Variants in TRIML1 observed in about 807,000 individuals in gnomAD.
The protein encoded by TRIML1 is probable E3 ubiquitin-protein ligase TRIML1.
In TRIML1, 34 loss-of-function variants were observed where a neutral mutation model predicts 32.3. The ratio of observed to expected loss-of-function variants is 1.05; its 90% confidence interval spans 0.80 to 1.40. The LOEUF is 1.40. TRIML1 is among the 40% of genes most tolerant of loss of function. TRIML1 has a pLI of 0.00. For missense variants in TRIML1, 595 were observed against 574.9 expected, an observed-to-expected ratio of 1.03 and a Z score of -0.36; for synonymous variants, 244 against 226.6, an observed-to-expected ratio of 1.08 and a Z score of -0.69.
rs1735144213 is a variant in TRIML1, at chr4:188,147,720, A to G, written c.*348A>G. 1 of 185,212 alleles carries G rather than the reference A, an allele frequency of 5.4e-6. No homozygotes were observed. Among genetic ancestry groups the G allele is most frequent in the Admixed American group, 6.2e-5 (1 of 16,216 alleles). The allele number at this position is 185,212 out of a possible 1,614,324, so 11.5% of individuals were successfully genotyped here. Reference sequence around the variant, plus strand: ...AAATATATGTCACTTTTTCAAGTGTATTTAATTATTTGACTCTTAAAAACT... The same window carrying G: ...AAATATATGTCACTTTTTCAAGTGTGTTTAATTATTTGACTCTTAAAAACT... On this transcript the variant is annotated 3_prime_UTR_variant, in exon 6 of 6. Transcript: ENST00000332517.
At chr4:188,142,861 A>T in intron 3 of TRIML1, 1 of 177,702 alleles carries the variant, frequency 5.6e-6, no homozygotes, top group Non-Finnish European at 1.2e-5. Context: ...TATGATATGA[A>T]CTCTAGGTCT....
chr4:188,143,973 C>T, intron 4 of TRIML1, 63 bp from the exon 5 acceptor site: 4 of 1,604,414 alleles, frequency 2.5e-6, no homozygotes, highest in Non-Finnish European at 3.4e-6. Flanking sequence ...ATGAGGTGGA[C>T]TCTCCAGCTG....
intron 2 of TRIML1, 33 bp from the exon 3 acceptor site, chr4:188,142,207 CGTGTGTGTGTGT>C (rs61461219): frequency 1.0e-3 from 1,031 of 1,013,814 alleles, no homozygotes; most frequent in Admixed American, 6.8e-3. Context: ...AACTTTATCT[CGTGTGTGTGTGT>C]GTGTGTGTGT....
chr4:188,148,421 G>A (rs371980660), downstream of TRIML1, among the ~76,000 whole-genome samples: 1 of 151,968 alleles, frequency 6.6e-6, no homozygotes, highest in East Asian at 2.0e-4. Flanking sequence ...TTGAACCCGG[G>A]CGGCGGAGGT....
chr4:188,144,266 G>T lies in TRIML1; in HGVS notation c.856+133G>T. The T allele has an allele frequency of 1.5e-5, 11 of 732,746 alleles. No individual in the cohort carries two copies. The South Asian group carries it at 1.9e-4, about 13-fold the overall frequency. 45.4% of individuals were successfully genotyped at this position (732,746 alleles called of 1,614,324 possible). A position where few individuals can be genotyped will look rare whatever the true frequency, so the allele number is the denominator to read the frequency against. Reference sequence around the variant, plus strand: ...AATCCGGGCCAGCACGGAACACCAGGGAGGGCTGGGGCCACAGACCGTCTC... The same window carrying T: ...AATCCGGGCCAGCACGGAACACCAGTGAGGGCTGGGGCCACAGACCGTCTC... On this transcript the variant is annotated intron_variant, in intron 5 of 5. Coordinates refer to ENST00000332517, the MANE Select transcript of TRIML1 (RefSeq NM_178556.5).
chr4:188,141,452 C>A (rs1314864809), intron 2 of TRIML1, among the ~76,000 whole-genome samples: 1 of 152,078 alleles, frequency 6.6e-6, no homozygotes, highest in African/African-American at 2.4e-5. Flanking sequence ...AGGTGTGAGC[C>A]ACCGTGCTTG....
At position 188,139,604 on chromosome 4, in the gene TRIML1, T is replaced by A; in HGVS notation, c.46T>A (p.Cys16Ser). Residue 16 changes from cysteine (C) to serine (S), a missense_variant, in exon 1 of 6, where the codon TGT becomes AGT. Coordinates refer to ENST00000332517, the MANE Select transcript of TRIML1 (RefSeq NM_178556.5). Reference protein sequence around the residue: ...LMENLREELTCFICLDYFSSP... With the variant: ...LMENLREELTSFICLDYFSSP... Reference sequence around the variant, plus strand: ...GGAGAACCTCAGGGAGGAACTCACCTGTTTCATCTGCTTAGACTATTTCAG... The same window carrying A: ...GGAGAACCTCAGGGAGGAACTCACCAGTTTCATCTGCTTAGACTATTTCAG... The A allele has an allele frequency of 6.2e-7, 1 of 1,609,502 alleles. No individual in the cohort carries two copies. The highest frequency in any genetic ancestry group is 8.5e-7 in the Non-Finnish European group (1 of 1,177,368).
chr4:188,142,311 C>T lies in TRIML1; in HGVS notation c.564C>T (p.Phe188=), dbSNP rs763722790. Residue 188 remains phenylalanine (F), a synonymous_variant, in exon 3 of 6, where the codon TTC becomes TTT. Transcript: ENST00000332517. ...VVSEYMKMHQ[F]LKEEEQLQLQ... is the part of the protein sequence containing the mutation. ...CAGAATACATGAAAATGCACCAGTT[C>T]CTGAAGGAAGAGGAGCAGCTGCAAC... The T allele has an allele frequency of 1.2e-6, 2 of 1,611,126 alleles. No individual in the cohort carries two copies. The highest frequency in any genetic ancestry group is 1.7e-6 in the Non-Finnish European group (2 of 1,179,520).
rs567981371 is a variant in TRIML1, at chr4:188,140,030, C to T, written c.408+64C>T. On this transcript the variant is annotated intron_variant, in intron 1 of 5. Transcript: ENST00000332517. ...CAGCTAACTCCGTTAGCTTTCCTGA[C>T]GTTTCCTAACGTCCTCTGTGGGGGA... is the stretch of plus-strand genomic sequence containing the variant. 3.6e-5 allele frequency: 54 copies of T among 1,498,976 alleles called. 2 individuals carry two copies. The African/African-American group carries it at 5.7e-4, about 16-fold the overall frequency. 92.9% of individuals were successfully genotyped at this position (1,498,976 alleles called of 1,614,324 possible).
At chr4:188,140,347 C>T (rs1415029734) in intron 1 of TRIML1, among the ~76,000 whole-genome samples, 181 bp from the exon 2 acceptor site, 1 of 152,150 alleles carries the variant, frequency 6.6e-6, no homozygotes, top group East Asian at 1.9e-4. Flanking sequence ...GTCTTGAACT[C>T]CTGACCTCAG....
rs764004928 is a variant in TRIML1 at position 188,143,887 on chromosome 4, T to C, written c.758+27T>C. 4.3e-6 allele frequency: 7 copies of C among 1,614,138 alleles called. No individual in the cohort carries two copies. The East Asian group carries it at 8.9e-5, about 21-fold the overall frequency. Reference sequence around the variant, plus strand: ...TAGGCTTTCATTCTGTGTTCAGTTATGCAAGCTGCGGGGCAGTGGTGCTGA... The same window carrying C: ...TAGGCTTTCATTCTGTGTTCAGTTACGCAAGCTGCGGGGCAGTGGTGCTGA... On this transcript the variant is annotated intron_variant, in intron 4 of 5. Transcript: ENST00000332517.
downstream of TRIML1, among the ~76,000 whole-genome samples, chr4:188,150,516 G>C (rs374902433): frequency 2.6e-5 from 4 of 152,268 alleles, no homozygotes; most frequent in African/African-American, 9.6e-5. Context: ...CAACCATTTG[G>C]AATACATCTT....
chr4:188,143,079 AGAGTCTCGCACTGTCGC>A (rs1734924420), intron 3 of TRIML1: 1 of 144,500 alleles, frequency 6.9e-6, no homozygotes, highest in Admixed American at 7.1e-5. Context: ...TTTTTGAGAC[AGAGTCTCGCACTGTCGC>A]CCAGGCTGGA....
Position 188,147,675 on chromosome 4 carries a change from T to C in TRIML1, c.*303T>C, listed in dbSNP as rs1485987122. The C allele has an allele frequency of 7.2e-6, 2 of 279,156 alleles. No individual in the cohort carries two copies. The highest frequency in any genetic ancestry group is 4.4e-5 in the African/African-American group (2 of 45,948). 17.3% of individuals were successfully genotyped at this position (279,156 alleles called of 1,614,324 possible). On this transcript the variant is annotated 3_prime_UTR_variant, in exon 6 of 6. Coordinates refer to ENST00000332517, the MANE Select transcript of TRIML1 (RefSeq NM_178556.5). ...GAGCCCCTATTACCATGAATCCTAC[T>C]GCCATAGGCCAGATTTTATAAATAT...
In TRIML1 at chr4:188,142,233, TGTGTGTGTG is replaced by T; in HGVS notation, c.505-18_505-10del. On this transcript the variant is annotated splice_polypyrimidine_tract_variant and intron_variant, in intron 2 of 5. Transcript: ENST00000332517. ...GTGTGTGTGTGTGTGTGTGTGTGTG[TGTGTGTGTG>T]TTTTGGCAGGAAGAAACAAAGACTT... 1 of 1,454,164 alleles carries T rather than the reference TGTGTGTGTG, an allele frequency of 6.9e-7. No homozygotes were observed. Among genetic ancestry groups the T allele is most frequent in the Non-Finnish European group, 9.6e-7 (1 of 1,042,232 alleles). 90.1% of individuals were successfully genotyped at this position (1,454,164 alleles called of 1,614,324 possible). A position where few individuals can be genotyped will look rare whatever the true frequency, so the allele number is the denominator to read the frequency against.
At chr4:188,144,002 G>A (rs1467327476) in intron 4 of TRIML1, 34 bp from the exon 5 acceptor site, 27 of 1,611,684 alleles carry the variant, frequency 1.7e-5, no homozygotes, top group Non-Finnish European at 2.3e-5. Flanking sequence ...CACGCGGTCT[G>A]TGCCGAGGAG....
downstream of TRIML1, among the ~76,000 whole-genome samples, chr4:188,150,389 A>G (rs766571080): frequency 1.3e-5 from 2 of 152,054 alleles, no homozygotes; most frequent in Non-Finnish European, 2.9e-5. Context: ...TCAGCCTCCC[A>G]AAGTGCTGGG....
chr4:188,139,312 T>A (rs1734756384), upstream of TRIML1: 1 of 384,908 alleles, frequency 2.6e-6, no homozygotes, highest in Non-Finnish European at 4.6e-6. Context: ...TTCACAGAGA[T>A]AAGTCTCAAA....
In TRIML1 at chr4:188,146,806, T is replaced by G; in HGVS notation, c.857-16T>G. ...AAGCATGCCCAAGGGAAATCTCTTC[T>G]TTCCTCCTCTTGCAGCGGAGATAAC... On this transcript the variant is annotated splice_polypyrimidine_tract_variant and intron_variant, in intron 5 of 5. Coordinates refer to ENST00000332517, the MANE Select transcript of TRIML1 (RefSeq NM_178556.5). The G allele has an allele frequency of 7.4e-7, 1 of 1,356,294 alleles. No individual in the cohort carries two copies. The highest frequency in any genetic ancestry group is 9.5e-7 in the Non-Finnish European group (1 of 1,048,182). The allele number at this position is 1,356,294 out of a possible 1,614,324, so 84.0% of individuals were successfully genotyped here. A position where few individuals can be genotyped will look rare whatever the true frequency, so the allele number is the denominator to read the frequency against.
Sources: gnomAD v4.1 joint callset for allele counts (sites outside exome capture counted in the v4.1 genomes callset) on GRCh38, gnomAD v4.1.1 for gene constraint, MANE v1.5 for transcripts, NCBI Gene and HGNC (gene_info 2026-07-23, HGNC 2026-07-21) for gene names.